The following EIF5B variants were observed in gnomAD, a reference collection of about 807,000 sequenced individuals.
The protein encoded by EIF5B is eukaryotic translation initiation factor 5B.
A neutral mutation model predicts 147.5 loss-of-function variants in EIF5B; 47 were observed. That is an observed-to-expected ratio of 0.32 (90% confidence interval 0.25 to 0.41). EIF5B has a LOEUF of 0.41. Ranked by LOEUF, EIF5B falls within the 10% of genes least tolerant of loss-of-function variation. The probability of loss-of-function intolerance (pLI) is 1.00; values close to 1 mark genes in which losing one functional copy is unlikely to be tolerated. For synonymous variants in EIF5B, 455 were observed against 456.2 expected (o/e 1.00, Z 0.03); for missense variants, 1,064 against 1,413.2 (o/e 0.75, Z 3.96).
intron 17 of EIF5B, among the ~76,000 whole-genome samples, chr2:99,391,052 A>G (rs559843721): frequency 1.6e-3 from 245 of 152,294 alleles, no homozygotes; most frequent in African/African-American, 5.4e-3. Context: ...CAAAAACTTA[A>G]CTCCTAATAG....
At chr2:99,348,595 G>A (rs1477087562) in intron 1 of EIF5B, among the ~76,000 whole-genome samples, 1 of 152,198 alleles carries the variant, frequency 6.6e-6, no homozygotes, top group Non-Finnish European at 1.5e-5. Flanking sequence ...TTACTGCTGA[G>A]ATAGAGTTAA....
intron 5 of EIF5B, among the ~76,000 whole-genome samples, 197 bp from the exon 6 acceptor site, chr2:99,364,074 A>G (rs1251112585): frequency 6.6e-6 from 1 of 152,226 alleles, no homozygotes; most frequent in East Asian, 1.9e-4. Flanking sequence ...TAAGTTGCTT[A>G]TGTATCATTG....
At chr2:99,378,033 G>A (rs1287892699) in intron 10 of EIF5B, among the ~76,000 whole-genome samples, 6 of 152,172 alleles carry the variant, frequency 3.9e-5, no homozygotes, top group Admixed American at 3.9e-4. Context: ...AAGTCATGAT[G>A]TTTGAATTTG....
chr2:99,377,751 G>A (rs946991764), intron 10 of EIF5B, among the ~76,000 whole-genome samples: 4 of 151,892 alleles, frequency 2.6e-5, no homozygotes, highest in Non-Finnish European at 5.9e-5. Context: ...GTCATATGAG[G>A]GGTTAGGGCT....
chr2:99,400,436 G>A lies in EIF5B; in HGVS notation c.*1022G>A, dbSNP rs1290989958. 1 of 152,286 alleles carries A rather than the reference G, an allele frequency of 6.6e-6. No homozygotes were observed. The highest frequency in any genetic ancestry group is 1.9e-4 in the East Asian group (1 of 5,190). The allele number at this position is 152,286 out of a possible 1,614,324, so 9.4% of individuals were successfully genotyped here. On this transcript the variant is annotated 3_prime_UTR_variant, in exon 24 of 24. Coordinates refer to ENST00000289371, the MANE Select transcript of EIF5B (RefSeq NM_015904.4). ...AGGGTTTTGCTGAAGTCAGTGTGGGGTGTTTGTTTGAGGAAAAAGTTCCAA... is the reference window on the plus strand; with the variant it reads ...AGGGTTTTGCTGAAGTCAGTGTGGGATGTTTGTTTGAGGAAAAAGTTCCAA...
intron 1 of EIF5B, among the ~76,000 whole-genome samples, chr2:99,338,922 G>GTATATA (rs1553531981): frequency 7.0e-6 from 1 of 142,308 alleles, no homozygotes; most frequent in African/African-American, 2.6e-5. Flanking sequence ...AGAAGTGTGT[G>GTATATA]TATATATATA....
chr2:99,344,347 C>T (rs930437393), intron 1 of EIF5B, among the ~76,000 whole-genome samples: 5 of 152,010 alleles, frequency 3.3e-5, no homozygotes, highest in South Asian at 2.1e-4. Flanking sequence ...GATTTATTTC[C>T]GGACTTTAAG....
chr2:99,362,174 T>C (rs1674229773), intron 4 of EIF5B, among the ~76,000 whole-genome samples: 1 of 152,214 alleles, frequency 6.6e-6, no homozygotes, highest in Non-Finnish European at 1.5e-5. Flanking sequence ...TTCTTTCCTG[T>C]CTTTAAAAAC....
intron 18 of EIF5B, among the ~76,000 whole-genome samples, chr2:99,393,523 T>C (rs2104252847): frequency 6.6e-6 from 1 of 152,098 alleles, no homozygotes; most frequent in East Asian, 1.9e-4. Flanking sequence ...AAGCTAGAAA[T>C]TGTATATTCT....
In EIF5B at chr2:99,361,792, G is replaced by C. The variant is rs1206302592; in HGVS notation, c.891G>C (p.Glu297Asp). 1.3e-6 allele frequency: 2 copies of C among 1,558,548 alleles called. No homozygotes were observed. Among genetic ancestry groups the C allele is most frequent in the Non-Finnish European group, 1.7e-6 (2 of 1,163,190 alleles). Reference sequence around the variant, plus strand: ...CTGGAGTAATTCCTGCCTCTGAAGAGAAAGCAGAGACTCCCACAGCTGCAG... The same window carrying C: ...CTGGAGTAATTCCTGCCTCTGAAGACAAAGCAGAGACTCCCACAGCTGCAG... ...VDTGVIPASE[E>D]KAETPTAAED... is the part of the protein sequence containing the mutation. The change falls in exon 4 of 24, where the codon GAG becomes GAC. Residue 297 changes from glutamate to aspartate, a missense_variant. Around this residue, in one of 4 missense-constraint regions of EIF5B, gnomAD observed 458 missense variants for 451.3 expected, o/e 1.01. Coordinates refer to ENST00000289371, the MANE Select transcript of EIF5B (RefSeq NM_015904.4).
In EIF5B at chr2:99,390,260, C is replaced by T. The variant is rs370348528; in HGVS notation, c.2445C>T (p.Arg815=). The T allele has an allele frequency of 2.0e-5, 32 of 1,613,952 alleles. No homozygotes were observed. The highest frequency in any genetic ancestry group is 2.6e-5 in the Non-Finnish European group (31 of 1,180,010). The change falls in exon 16 of 24, where the codon CGC becomes CGT. Residue 815 remains arginine, a synonymous_variant. Coordinates refer to ENST00000289371, the MANE Select transcript of EIF5B (RefSeq NM_015904.4). ...AALFYENKDP[R]TFVSLVPTSA... ...TGTTTTATGAGAATAAAGATCCCCG[C>T]ACTTTTGTGTCTTTGGTACCTACCT...
chr2:99,394,121 C>T, intron 18 of EIF5B, 146 bp from the exon 19 acceptor site: 1 of 1,026,186 alleles, frequency 9.7e-7, no homozygotes, highest in Non-Finnish European at 1.4e-6. Flanking sequence ...CATTCCAGCA[C>T]AGGTTCTGTG....
Position 99,376,757 on chromosome 2 carries a change from C to T in EIF5B, c.1842+121C>T, listed in dbSNP as rs1299642479. On this transcript the variant is annotated intron_variant, in intron 10 of 23. Transcript: ENST00000289371. ...GTATTCTCAAGAATAGAACACCGTTCAGTTTTTGTAATGTTGAAATATTAC... is the reference window on the plus strand; with the variant it reads ...GTATTCTCAAGAATAGAACACCGTTTAGTTTTTGTAATGTTGAAATATTAC... 7 of 1,391,430 alleles carry T rather than the reference C, an allele frequency of 5.0e-6. No homozygotes were observed. In the African/African-American group the frequency reaches 8.8e-5, roughly 17 times the overall value. The allele number at this position is 1,391,430 out of a possible 1,614,324, so 86.2% of individuals were successfully genotyped here. A position where few individuals can be genotyped will look rare whatever the true frequency, so the allele number is the denominator to read the frequency against.
intron 9 of EIF5B, among the ~76,000 whole-genome samples, chr2:99,375,226 C>T (rs1364579339): frequency 6.6e-6 from 1 of 151,994 alleles, no homozygotes; most frequent in Admixed American, 6.6e-5. Flanking sequence ...TTCTCATGTG[C>T]CTTGCTATTT....
chr2:99,381,020 A>G (rs769014943), intron 12 of EIF5B, among the ~76,000 whole-genome samples: 13 of 152,182 alleles, frequency 8.5e-5, no homozygotes, highest in Admixed American at 2.6e-4. Flanking sequence ...TCGTCTTTTT[A>G]TAAGGCCTAT....
At chr2:99,377,645 A>G (rs1559255042) in intron 10 of EIF5B, among the ~76,000 whole-genome samples, 1 of 152,144 alleles carries the variant, frequency 6.6e-6, no homozygotes, top group South Asian at 2.1e-4. Context: ...AGTATAAAGC[A>G]GAAGAGTTTC....
At chr2:99,392,013 C>T (rs1674948004) in intron 17 of EIF5B, among the ~76,000 whole-genome samples, 1 of 151,318 alleles carries the variant, frequency 6.6e-6, no homozygotes, top group South Asian at 2.1e-4. Context: ...CATGAGCCAC[C>T]ATGCCTGGCC....
intron 20 of EIF5B, 45 bp from the exon 21 acceptor site, chr2:99,394,674 C>T (rs374558214): frequency 6.2e-6 from 10 of 1,609,558 alleles, no homozygotes; most frequent in East Asian, 2.2e-5. Flanking sequence ...CTGTGACATA[C>T]TCTGTTTTTC....
rs1218647464 is a variant in EIF5B at position 99,401,032 on chromosome 2, G to C, written c.*1618G>C. 11 of 355,676 alleles carry C rather than the reference G, an allele frequency of 3.1e-5. No individual in the cohort carries two copies. The East Asian group carries it at 4.8e-4, about 16-fold the overall frequency. The allele number at this position is 355,676 out of a possible 1,614,324, so 22.0% of individuals were successfully genotyped here. A position where few individuals can be genotyped will look rare whatever the true frequency, so the allele number is the denominator to read the frequency against. On this transcript the variant is annotated 3_prime_UTR_variant, in exon 24 of 24. Transcript: ENST00000289371. ...TTTATAAACAAACATTTTGTAAATA[G>C]AATCTATGCTACAGTAAAATAATTA...
Sources: allele counts gnomAD v4.1 joint callset (sites outside exome capture counted in the v4.1 genomes callset), GRCh38; gene constraint gnomAD v4.1.1; regional missense constraint gnomAD v4.1.1; transcripts MANE v1.5; gene names NCBI Gene and HGNC (gene_info 2026-07-23, HGNC 2026-07-21).